Variants in PTPRR observed in about 807,000 individuals in gnomAD.
PTPRR encodes the protein protein tyrosine phosphatase receptor type R.
PTPRR carries 38 observed loss-of-function variants against 77.2 expected under a neutral mutation model. The observed-to-expected ratio is 0.49, with a 90% CI of 0.38 to 0.65. The LOEUF (loss-of-function observed/expected upper bound fraction) is 0.65. Ranked by LOEUF, PTPRR falls within the 30% of genes least tolerant of loss-of-function variation. The pLI is 0.00. For missense variants in PTPRR, 744 were observed against 799.2 expected, an observed-to-expected ratio of 0.93 and a Z score of 0.83; for synonymous variants, 299 against 283.1, an observed-to-expected ratio of 1.06 and a Z score of -0.57.
intron 2 of PTPRR, among the ~76,000 whole-genome samples, chr12:70,830,086 C>T (rs1226381350): frequency 3.3e-5 from 5 of 152,122 alleles, no homozygotes; most frequent in Non-Finnish European, 5.9e-5. Context: ...AACAGCAAGA[C>T]CTGATCCACC....
intron 2 of PTPRR, among the ~76,000 whole-genome samples, chr12:70,823,078 TTTCTC>T (rs1483056933): frequency 6.8e-6 from 1 of 146,148 alleles, no homozygotes; most frequent in Non-Finnish European, 1.5e-5. Flanking sequence ...CTCTCTCTCT[TTTCTC>T]TTCTCTCTTG....
intron 13 of PTPRR, among the ~76,000 whole-genome samples, chr12:70,642,701 A>G (rs1322408213): frequency 2.0e-5 from 3 of 152,182 alleles, no homozygotes; most frequent in African/African-American, 7.2e-5. Flanking sequence ...AGGTCATGCT[A>G]TTTTCATGTC....
At chr12:70,681,285 A>T (rs74392710) in intron 10 of PTPRR, among the ~76,000 whole-genome samples, 1 of 152,170 alleles carries the variant, frequency 6.6e-6, no homozygotes, top group Non-Finnish European at 1.5e-5. Context: ...TCAAAATGGC[A>T]TCATATAGCT....
intron 2 of PTPRR, among the ~76,000 whole-genome samples, chr12:70,870,405 A>G (rs1324250190): frequency 6.6e-6 from 1 of 152,172 alleles, no homozygotes; most frequent in Non-Finnish European, 1.5e-5. Context: ...TATAAATGGA[A>G]GAAATTGATT....
chr12:70,653,966 C>A (rs368407650), intron 13 of PTPRR, among the ~76,000 whole-genome samples: 1 of 151,890 alleles, frequency 6.6e-6, no homozygotes, highest in Non-Finnish European at 1.5e-5. Context: ...AGGGAAGATA[C>A]GGTTAGAAAG....
intron 1 of PTPRR, among the ~76,000 whole-genome samples, chr12:70,897,273 C>G (rs1226096304): frequency 4.0e-5 from 6 of 151,870 alleles, no homozygotes; most frequent in Non-Finnish European, 8.8e-5. Flanking sequence ...GGGCTAATAT[C>G]CAGAATCTAC....
At chr12:70,751,033 T>C (rs1455570017) in intron 5 of PTPRR, among the ~76,000 whole-genome samples, 15 of 149,160 alleles carry the variant, frequency 1.0e-4, no homozygotes, top group Admixed American at 2.6e-4. Context: ...GCCACTGCAC[T>C]TGGTCCCCCT....
intron 5 of PTPRR, 69 bp downstream of exon 5, chr12:70,754,122 G>A (rs924684276): frequency 5.8e-6 from 8 of 1,389,896 alleles, no homozygotes; most frequent in Non-Finnish European, 6.9e-6. Flanking sequence ...TCATTTGAAT[G>A]GCAATGTACC....
intron 6 of PTPRR, among the ~76,000 whole-genome samples, chr12:70,745,378 G>A (rs1196781319): frequency 2.6e-5 from 4 of 152,166 alleles, no homozygotes; most frequent in East Asian, 1.9e-4. Context: ...AAAATGCAGA[G>A]CTAAAACTTT....
chr12:70,900,366 C>T (rs1565735623), intron 1 of PTPRR, among the ~76,000 whole-genome samples: 1 of 151,076 alleles, frequency 6.6e-6, no homozygotes. Context: ...TACATCACAC[C>T]ATATACAAAA....
intron 10 of PTPRR, among the ~76,000 whole-genome samples, chr12:70,680,928 C>A (rs368688355): frequency 6.6e-6 from 1 of 151,788 alleles, no homozygotes; most frequent in Non-Finnish European, 1.5e-5. Context: ...ATGGTGCATT[C>A]GCTGGTGAGC....
At chr12:70,738,026 T>C (rs1889928174) in intron 6 of PTPRR, among the ~76,000 whole-genome samples, 1 of 152,220 alleles carries the variant, frequency 6.6e-6, no homozygotes, top group African/African-American at 2.4e-5. Flanking sequence ...CAGGACATTC[T>C]GCCTTGCCAG....
chr12:70,688,587 G>A (rs974569087), intron 8 of PTPRR, among the ~76,000 whole-genome samples: 1 of 152,174 alleles, frequency 6.6e-6, no homozygotes, highest in African/African-American at 2.4e-5. Flanking sequence ...GTAGGCTGTT[G>A]GTGAGAATGT....
At chr12:70,751,817 G>C (rs1241131876) in intron 5 of PTPRR, among the ~76,000 whole-genome samples, 1 of 152,032 alleles carries the variant, frequency 6.6e-6, no homozygotes, top group East Asian at 1.9e-4. Flanking sequence ...TGATTCATTT[G>C]TTGCAACTGA....
At position 70,661,096 on chromosome 12, in the gene PTPRR, T is replaced by C. The variant is rs895336004; in HGVS notation, c.1610A>G (p.Gln537Arg). ...NYTIRNLVLK[Q>R]GSHTQHVKHY... ...CTTCACATGTTGGGTGTGGCTTCCTTGCTGAAAATAGCAACAGCCACCAAA... is the reference window on the plus strand; with the variant it reads ...CTTCACATGTTGGGTGTGGCTTCCTCGCTGAAAATAGCAACAGCCACCAAA... The change falls in exon 12 of 14, where the codon CAA (glutamine) becomes CGA (arginine). Residue 537 changes from glutamine to arginine, a missense_variant and splice_region_variant. By Grantham distance (43) the Gln-to-Arg change is conservative. Around this residue, in one of 3 missense-constraint regions of PTPRR, gnomAD observed 170 missense variants for 209.8 expected, o/e 0.81. Transcript: ENST00000283228. 1 of 1,606,470 alleles carries C rather than the reference T, an allele frequency of 6.2e-7. No individual in the cohort carries two copies. Among genetic ancestry groups the C allele is most frequent in the African/African-American group, 1.3e-5 (1 of 74,856 alleles).
chr12:70,875,642 GAA>G (rs59342087), intron 2 of PTPRR, among the ~76,000 whole-genome samples: 3 of 121,270 alleles, frequency 2.5e-5, no homozygotes, highest in Non-Finnish European at 1.8e-5. Context: ...TTGCTAAGTA[GAA>G]AAAAAAAAAA....
intron 2 of PTPRR, among the ~76,000 whole-genome samples, chr12:70,781,792 T>C (rs1297538671): frequency 6.6e-6 from 1 of 152,114 alleles, no homozygotes; most frequent in Non-Finnish European, 1.5e-5. Flanking sequence ...TTCCCCATAG[T>C]TTTAAATAAC....
At chr12:70,758,661 C>T (rs549312866) in intron 4 of PTPRR, among the ~76,000 whole-genome samples, 2 of 152,200 alleles carry the variant, frequency 1.3e-5, no homozygotes, top group East Asian at 1.9e-4. Flanking sequence ...CAGATTCAGA[C>T]GTGGGCAAGG....
intron 10 of PTPRR, among the ~76,000 whole-genome samples, chr12:70,665,371 T>C (rs1886951866): frequency 1.3e-5 from 1 of 74,216 alleles, no homozygotes; most frequent in South Asian, 4.8e-4. Flanking sequence ...ATTCTTTTTT[T>C]TTTTTTTTTT....
Sources: gnomAD v4.1 joint callset for allele counts (sites outside exome capture counted in the v4.1 genomes callset) on GRCh38, gnomAD v4.1.1 for gene constraint, gnomAD v4.1.1 regional missense constraint, MANE v1.5 for transcripts, NCBI Gene and HGNC (gene_info 2026-07-23, HGNC 2026-07-21) for gene names.